EIF4G3: variants seen among roughly 807,000 people sequenced by gnomAD.
EIF4G3 encodes eIF-4-gamma 3.
In EIF4G3, 34 loss-of-function variants were observed where a neutral mutation model predicts 186.4. That is an observed-to-expected ratio of 0.18 (90% CI 0.14 to 0.24). The LOEUF (loss-of-function observed/expected upper bound fraction) is 0.24. Among genes scored for constraint, EIF4G3 ranks in the 10% least tolerant of loss-of-function variants. The pLI is 1.00. For missense variants in EIF4G3, 1,536 were observed against 1,948.5 expected (o/e 0.79, Z 3.99); for synonymous variants, 673 against 679.5 (o/e 0.99, Z 0.15).
At chr1:20,987,899 CA>C (rs2079945048) in intron 7 of EIF4G3, among the ~76,000 whole-genome samples, 1 of 152,166 alleles carries the variant, frequency 6.6e-6, no homozygotes, top group Non-Finnish European at 1.5e-5. Context: ...AAAGCTACTT[CA>C]AAAGCCAAGT....
At chr1:21,163,195 G>A (rs180926464) in intron 2 of EIF4G3, among the ~76,000 whole-genome samples, 2 of 152,272 alleles carry the variant, frequency 1.3e-5, no homozygotes, top group East Asian at 3.9e-4. Flanking sequence ...TGACATTCCA[G>A]AGCCACACTC....
chr1:20,905,502 T>C (rs2091809902), intron 14 of EIF4G3, among the ~76,000 whole-genome samples: 1 of 152,258 alleles, frequency 6.6e-6, no homozygotes. Context: ...GCAGCATTTC[T>C]GAAACATTCT....
intron 2 of EIF4G3, among the ~76,000 whole-genome samples, chr1:21,148,981 A>G (rs909707825): frequency 6.6e-6 from 1 of 152,082 alleles, no homozygotes; most frequent in African/African-American, 2.4e-5. Flanking sequence ...CTGTAATCCC[A>G]GCAACTGGGT....
chr1:20,928,302 T>C (rs2095067066), intron 14 of EIF4G3, among the ~76,000 whole-genome samples: 1 of 152,228 alleles, frequency 6.6e-6, no homozygotes, highest in Non-Finnish European at 1.5e-5. Flanking sequence ...TCTCCGATAC[T>C]GTCAATTGTG....
intron 26 of EIF4G3, 41 bp from the exon 27 acceptor site, chr1:20,853,718 G>T (rs1377070991): frequency 2.8e-6 from 4 of 1,443,910 alleles, no homozygotes; most frequent in Admixed American, 3.4e-5. Context: ...CAAATCACAT[G>T]ACTAAAATGC....
chr1:21,176,835 A>G lies in EIF4G3; in HGVS notation c.-569T>C, dbSNP rs1431297710. 5.7e-6 allele frequency: 4 copies of G among 701,236 alleles called. No homozygotes were observed. The highest frequency in any genetic ancestry group is 7.8e-6 in the Non-Finnish European group (3 of 384,082). 43.4% of individuals were successfully genotyped at this position (701,236 alleles called of 1,614,324 possible). A position where few individuals can be genotyped will look rare whatever the true frequency, so the allele number is the denominator to read the frequency against. ...CAGGCGATGCCGGTGGATTTTCTTC[A>G]CTCAACGAGCAGAGCATCCAACATG... On this transcript the variant is annotated 5_prime_UTR_variant, in exon 1 of 37. It removes the in-frame stop codon of an upstream open reading frame in the 5' UTR. Coordinates refer to ENST00000602326, the MANE Select transcript of EIF4G3 (RefSeq NM_001391906.1).
At chr1:20,873,708 C>CT (rs972621195) in intron 20 of EIF4G3, among the ~76,000 whole-genome samples, 17 of 114,664 alleles carry the variant, frequency 1.5e-4, no homozygotes, top group Admixed American at 8.9e-4. Context: ...CATTGAATGT[C>CT]TTTTTTTTTT....
At chr1:20,938,360 G>T (rs927156941) in intron 14 of EIF4G3, among the ~76,000 whole-genome samples, 3 of 152,152 alleles carry the variant, frequency 2.0e-5, no homozygotes, top group African/African-American at 7.2e-5. Context: ...ATGTTTTGCA[G>T]CAGAACTAAA....
chr1:21,149,445 G>C (rs1016816199), intron 2 of EIF4G3, among the ~76,000 whole-genome samples: 1 of 151,994 alleles, frequency 6.6e-6, no homozygotes, highest in Non-Finnish European at 1.5e-5. Flanking sequence ...TCATCACACT[G>C]AAAGAGAAAT....
At position 20,851,376 on chromosome 1, in the gene EIF4G3, G is replaced by C. The variant is rs765794713; in HGVS notation, c.3654C>G (p.Asp1218Glu). Residue 1218 changes from aspartate to glutamate, a missense_variant, in exon 28 of 37, where the codon GAC (aspartate) becomes GAG (glutamate). Coordinates refer to ENST00000602326, the MANE Select transcript of EIF4G3 (RefSeq NM_001391906.1). Reference sequence around the variant, plus strand: ...TCCGCTGCTCTTCTTGAGACTGATTGTCTAGCAGGTCTTTACTGCTGCCAC... The same window carrying C: ...TCCGCTGCTCTTCTTGAGACTGATTCTCTAGCAGGTCTTTACTGCTGCCAC... ...MRGGSSKDLL[D>E]NQSQEEQRRE... 1.9e-6 allele frequency: 3 copies of C among 1,614,114 alleles called. No homozygotes were observed. Among genetic ancestry groups the C allele is most frequent in the Non-Finnish European group, 2.5e-6 (3 of 1,180,040 alleles).
chr1:21,077,749 G>A (rs927307740), intron 3 of EIF4G3, among the ~76,000 whole-genome samples: 24 of 151,650 alleles, frequency 1.6e-4, no homozygotes, highest in South Asian at 2.1e-4. Context: ...GCGTGGTGGC[G>A]CATGCCTGTA....
chr1:20,862,477 A>C (rs1169221012), intron 22 of EIF4G3, 145 bp from the exon 23 acceptor site: 5 of 548,838 alleles, frequency 9.1e-6, no homozygotes, highest in African/African-American at 7.8e-5. Context: ...GTGCAGTAGC[A>C]CAATCACGGC....
intron 35 of EIF4G3, among the ~76,000 whole-genome samples, chr1:20,811,169 G>A (rs1013796606): frequency 6.6e-5 from 10 of 152,098 alleles, no homozygotes; most frequent in African/African-American, 2.2e-4. Flanking sequence ...GGTCAGACTT[G>A]TCTCGAACTC....
At position 21,086,397 on chromosome 1, in the gene EIF4G3, C is replaced by G. The variant is rs549217276; in HGVS notation, c.-196+2741G>C. 4.6e-5 allele frequency among the ~76,000 whole-genome samples: 7 copies of G among 151,846 alleles called. No homozygotes were observed. The South Asian group carries it at 1.3e-3, about 27-fold the overall frequency. On this transcript the variant is annotated intron_variant, in intron 3 of 36. Coordinates refer to ENST00000602326, the MANE Select transcript of EIF4G3 (RefSeq NM_001391906.1). The stretch of plus-strand genomic sequence containing the variant: ...AAATATACAAAGATCAGCTTAAAAC[C>G]CCCCCAACCAACCTACATACTCTTT...
At chr1:20,904,802 T>G in intron 15 of EIF4G3, 81 bp downstream of exon 15, 1 of 962,722 alleles carries the variant, frequency 1.0e-6, no homozygotes, top group East Asian at 2.7e-5. Context: ...TGGAAAACTA[T>G]TTCAATAAAT....
rs777978392 is a variant in EIF4G3, at chr1:21,176,865, T to G, written c.-599A>C. The G allele has an allele frequency of 2.9e-6, 2 of 699,580 alleles. No homozygotes were observed. The highest frequency in any genetic ancestry group is 5.2e-6 in the Non-Finnish European group (2 of 382,922). The allele number at this position is 699,580 out of a possible 1,614,324, so 43.3% of individuals were successfully genotyped here. On this transcript the variant is annotated 5_prime_UTR_variant, in exon 1 of 37. Coordinates refer to ENST00000602326, the MANE Select transcript of EIF4G3 (RefSeq NM_001391906.1). ...ACGAGCAGAGCATCCAACATGGCGC[T>G]GTGGCCGCCTCCAGCAGTCCGGCAG...
chr1:20,949,996 C>T lies in EIF4G3; in HGVS notation c.823+7G>A, dbSNP rs768252698. The T allele has an allele frequency of 1.3e-5, 21 of 1,611,226 alleles. No individual in the cohort carries two copies. Among genetic ancestry groups the T allele is most frequent in the East Asian group, 6.7e-5 (3 of 44,798 alleles). ...GATAAGAGGGAGGAAAACAGTCATACACAAACCTTGCTTCTGGTCGCTAGC... is the reference window on the plus strand; with the variant it reads ...GATAAGAGGGAGGAAAACAGTCATATACAAACCTTGCTTCTGGTCGCTAGC... On this transcript the variant is annotated splice_region_variant and intron_variant, in intron 13 of 36. Transcript: ENST00000602326.
At chr1:21,104,029 C>A (rs2096571927) in intron 2 of EIF4G3, among the ~76,000 whole-genome samples, 1 of 152,086 alleles carries the variant, frequency 6.6e-6, no homozygotes, top group Admixed American at 6.6e-5. Flanking sequence ...AGTATTAGCT[C>A]CTCAATTATA....
chr1:20,900,982 A>G (rs2090099990), intron 15 of EIF4G3, among the ~76,000 whole-genome samples: 1 of 152,192 alleles, frequency 6.6e-6, no homozygotes, highest in African/African-American at 2.4e-5. Context: ...CTTTTACCAT[A>G]TAACAGATCA....
Sources: allele counts gnomAD v4.1 joint callset (sites outside exome capture counted in the v4.1 genomes callset), GRCh38; gene constraint gnomAD v4.1.1; transcripts MANE v1.5; gene names NCBI Gene and HGNC (gene_info 2026-07-23, HGNC 2026-07-21).